The following EYA2 variants were observed in gnomAD, a reference collection of about 807,000 sequenced individuals.
EYA2 encodes the protein protein phosphatase EYA2.
A neutral mutation model predicts 69.2 loss-of-function variants in EYA2; 31 were observed. The ratio of observed to expected loss-of-function variants is 0.45; its 90% confidence interval spans 0.34 to 0.60. The LOEUF (loss-of-function observed/expected upper bound fraction) is 0.60. EYA2 is among the 20% of genes least tolerant of loss of function. EYA2 has a pLI of 0.02. For missense variants in EYA2, 622 were observed against 701.2 expected, an observed-to-expected ratio of 0.89 and a Z score of 1.28; for synonymous variants, 257 against 279.4, an observed-to-expected ratio of 0.92 and a Z score of 0.80.
At chr20:47,080,263 T>G (rs2031662881) in intron 7 of EYA2, among the ~76,000 whole-genome samples, 1 of 151,552 alleles carries the variant, frequency 6.6e-6, no homozygotes. Flanking sequence ...AAGAAATCAA[T>G]GGGAAATTAA....
intron 9 of EYA2, among the ~76,000 whole-genome samples, chr20:47,124,873 A>G (rs1568793271): frequency 1.8e-5 from 2 of 110,724 alleles, no homozygotes; most frequent in African/African-American, 7.9e-5. Context: ...TTCTTCAAAG[A>G]TTAAAAAAAA....
At position 47,157,066 on chromosome 20, in the gene EYA2, A is replaced by T. The variant is rs6018308; in HGVS notation, c.979-12073A>T. Among the ~76,000 whole-genome samples the T allele has an allele frequency of 4.9e-3, 743 of 152,074 alleles. 12 individuals carry two copies. The highest frequency in any genetic ancestry group is 0.017 in the African/African-American group (717 of 41,560). ...AGCAACGTGCAACAACAGTAATACT[A>T]AGTATCGGCTGGGGATGGTGGCTCA... On this transcript the variant is annotated intron_variant, in intron 10 of 15. Transcript: ENST00000327619.
At chr20:46,937,824 C>G (rs1985982105) in intron 1 of EYA2, among the ~76,000 whole-genome samples, 1 of 152,124 alleles carries the variant, frequency 6.6e-6, no homozygotes, top group South Asian at 2.1e-4. Flanking sequence ...TCAACTCATT[C>G]ATTCATTCAT....
At chr20:46,974,595 T>C (rs1039036565) in intron 1 of EYA2, among the ~76,000 whole-genome samples, 4 of 152,126 alleles carry the variant, frequency 2.6e-5, no homozygotes, top group Non-Finnish European at 4.4e-5. Context: ...GACTCCAGGA[T>C]TCCAGGACTC....
chr20:47,117,791 T>C (rs1488483221), intron 9 of EYA2: 1 of 742,768 alleles, frequency 1.3e-6, no homozygotes, highest in East Asian at 1.3e-4. Flanking sequence ...TTTTCTTCCT[T>C]TTCCCCCTTC....
At chr20:47,037,810 T>C (rs1198910680) in intron 5 of EYA2, among the ~76,000 whole-genome samples, 1 of 152,190 alleles carries the variant, frequency 6.6e-6, no homozygotes, top group African/African-American at 2.4e-5. Context: ...GATCTTAAGC[T>C]CAGCTGCTTA....
chr20:46,990,119 G>T lies in EYA2; in HGVS notation c.109G>T (p.Gly37Cys). 1.9e-6 allele frequency: 3 copies of T among 1,584,342 alleles called. No homozygotes were observed. The highest frequency in any genetic ancestry group is 2.6e-6 in the Non-Finnish European group (3 of 1,153,282). Residue 37 changes from glycine (G) to cysteine (C), a missense_variant and splice_region_variant, in exon 2 of 16, where the codon GGC becomes TGC. By Grantham distance (159) the Gly-to-Cys change is radical (BLOSUM62 -3). This residue lies in a region of EYA2 where 365 missense variants were observed against 349.7 expected (regional missense o/e 1.04). Transcript: ENST00000327619. ...AAVWTLSDRQ[G>C]ITKSAPLRVS... is the part of the protein sequence containing the mutation. ...TGTGTGGACTCTGAGTGACAGACAA[G>T]GTAGGCTTCCTGCTGTGAGTTTGGG...
chr20:46,958,366 T>A (rs1024589037), intron 1 of EYA2, among the ~76,000 whole-genome samples: 1 of 152,090 alleles, frequency 6.6e-6, no homozygotes, highest in Non-Finnish European at 1.5e-5. Context: ...ATGATGGGGA[T>A]GACTTAGGCA....
chr20:46,918,564 C>A (rs1245935368), intron 1 of EYA2, among the ~76,000 whole-genome samples: 1 of 152,144 alleles, frequency 6.6e-6, no homozygotes, highest in African/African-American at 2.4e-5. Flanking sequence ...ACCTTGGCCT[C>A]CCAAAGTGCT....
rs756282686 is a variant in EYA2 at position 47,074,232 on chromosome 20, C to T, written c.558C>T (p.Tyr186=). The T allele has an allele frequency of 1.2e-5, 19 of 1,614,018 alleles. No individual in the cohort carries two copies. The highest frequency in any genetic ancestry group is 1.7e-5 in the Admixed American group (1 of 60,008). ...ACGGCTCATCCTACAACCCTCCCTA[C>T]GTCCCGGCCAGCAGCATCTGCCCTT... ...QYYGSSYNPP[Y]VPASSICPSP... is the part of the protein sequence containing the mutation. The change falls in exon 7 of 16, where the codon TAC becomes TAT. Residue 186 remains tyrosine (Y), a synonymous_variant. Transcript: ENST00000327619.
In EYA2 at chr20:46,942,923, G is replaced by A. The variant is rs1007066839; in HGVS notation, c.-10-47078G>A. Among the ~76,000 whole-genome samples the A allele has an allele frequency of 9.2e-5, 14 of 152,148 alleles. No homozygotes were observed. In the South Asian group the frequency reaches 1.4e-3, roughly 16 times the overall value. ...TAGGATTACAGACACGTGCTACCACGTCTGGCTAATTTTTGTATTTTTAGT... is the reference window on the plus strand; with the variant it reads ...TAGGATTACAGACACGTGCTACCACATCTGGCTAATTTTTGTATTTTTAGT... On this transcript the variant is annotated intron_variant, in intron 1 of 15. Coordinates refer to ENST00000327619, the MANE Select transcript of EYA2 (RefSeq NM_005244.5).
chr20:46,947,989 T>G (rs970952691), intron 1 of EYA2, among the ~76,000 whole-genome samples: 4 of 151,746 alleles, frequency 2.6e-5, no homozygotes, highest in African/African-American at 9.7e-5. Flanking sequence ...TGGTGGTGCA[T>G]GCCTGTAGTC....
intron 1 of EYA2, among the ~76,000 whole-genome samples, chr20:46,957,679 G>A (rs140047501): frequency 6.6e-6 from 1 of 152,146 alleles, no homozygotes. Context: ...ACCAGAGGCT[G>A]AAATGGATTC....
At chr20:47,170,846 C>T (rs796573649) in intron 11 of EYA2, among the ~76,000 whole-genome samples, 2 of 152,180 alleles carry the variant, frequency 1.3e-5, no homozygotes, top group South Asian at 2.1e-4. Flanking sequence ...GTCATTGTAA[C>T]TTTATTTAGT....
At chr20:46,992,616 C>T (rs1222122067) in intron 2 of EYA2, among the ~76,000 whole-genome samples, 1 of 152,186 alleles carries the variant, frequency 6.6e-6, no homozygotes, top group African/African-American at 2.4e-5. Context: ...ATCTTCAATT[C>T]TCCCACAGTG....
At chr20:47,095,199 G>GA (rs890471861) in intron 8 of EYA2, among the ~76,000 whole-genome samples, 18 of 151,788 alleles carry the variant, frequency 1.2e-4, no homozygotes, top group Admixed American at 8.5e-4. Context: ...TACTCAGAGG[G>GA]AAAAAAAGTT....
intron 1 of EYA2, among the ~76,000 whole-genome samples, chr20:46,917,664 A>C (rs1357846167): frequency 6.6e-6 from 1 of 152,246 alleles, no homozygotes; most frequent in Non-Finnish European, 1.5e-5. Context: ...TATGTATGAA[A>C]GTTATGTTTA....
intron 9 of EYA2, among the ~76,000 whole-genome samples, chr20:47,098,364 A>G (rs897774942): frequency 3.3e-5 from 5 of 152,244 alleles, no homozygotes; most frequent in African/African-American, 1.2e-4. Flanking sequence ...TTGCCTGCTA[A>G]GTCGTGGTGT....
intron 9 of EYA2, among the ~76,000 whole-genome samples, chr20:47,136,055 C>G (rs1213258166): frequency 6.6e-6 from 1 of 151,510 alleles, no homozygotes; most frequent in Non-Finnish European, 1.5e-5. Context: ...CTTGGAAAAT[C>G]CAGGAAAAAA....
Sources: allele counts gnomAD v4.1 joint callset (sites outside exome capture counted in the v4.1 genomes callset), GRCh38; gene constraint gnomAD v4.1.1; regional missense constraint gnomAD v4.1.1; transcripts MANE v1.5; gene names NCBI Gene and HGNC (gene_info 2026-07-23, HGNC 2026-07-21).